UMODL1: variants seen among roughly 807,000 people sequenced by gnomAD.
UMODL1 encodes the protein uromodulin-like 1.
In UMODL1, 128 loss-of-function variants were observed where a neutral mutation model predicts 136.3. That is an observed-to-expected ratio of 0.94 (90% confidence interval 0.81 to 1.09). The LOEUF is 1.09. Ranked by LOEUF, UMODL1 falls within the 50% of genes least tolerant of loss-of-function variation. The pLI, the probability that UMODL1 is intolerant of heterozygous loss-of-function variation, is 0.00. For synonymous variants in UMODL1, 721 were observed against 720.0 expected, an observed-to-expected ratio of 1.00 and a Z score of -0.02; for missense variants, 1,766 against 1,725.6, an observed-to-expected ratio of 1.02 and a Z score of -0.41.
chr21:42,128,534 T>C (rs1250391431), intron 20 of UMODL1, among the ~76,000 whole-genome samples: 1 of 150,440 alleles, frequency 6.6e-6, no homozygotes, highest in Admixed American at 6.6e-5. Flanking sequence ...GCTCTGAGCG[T>C]CTGCAGGACG....
intron 13 of UMODL1, among the ~76,000 whole-genome samples, chr21:42,114,435 CAA>C (rs2066877786): frequency 6.6e-6 from 1 of 152,230 alleles, no homozygotes; most frequent in Admixed American, 6.5e-5. Flanking sequence ...CCTGGGTAGT[CAA>C]GAGCGTGTCT....
intron 20 of UMODL1, chr21:42,128,291 T>G (rs920766495): frequency 6.9e-6 from 2 of 288,486 alleles, no homozygotes; most frequent in African/African-American, 4.5e-5. Flanking sequence ...TTTACATTCC[T>G]GTTTTCCTTA....
At chr21:42,071,437 C>A in intron 1 of UMODL1, 45 bp downstream of exon 1, 1 of 1,504,320 alleles carries the variant, frequency 6.6e-7, no homozygotes, top group African/African-American at 1.4e-5. Flanking sequence ...AGGACAGGGG[C>A]TTCCTGGCAT....
At chr21:42,067,127 C>T (rs538292194), upstream of UMODL1, among the ~76,000 whole-genome samples, 1 of 152,192 alleles carries the variant, frequency 6.6e-6, no homozygotes, top group African/African-American at 2.4e-5. Flanking sequence ...GCATGTGCCA[C>T]CACACCTGGC....
chr21:42,063,142 A>G (rs981179898), exon 1 of UMODL1: 3 of 152,424 alleles, frequency 2.0e-5, no homozygotes, highest in African/African-American at 7.2e-5. Context: ...GATGCCAGTC[A>G]TTGGATTTAG....
intron 1 of UMODL1, among the ~76,000 whole-genome samples, chr21:42,072,240 CG>C (rs2066240631): frequency 6.6e-6 from 1 of 152,164 alleles, no homozygotes; most frequent in Admixed American, 6.5e-5. Flanking sequence ...TAAAAACACA[CG>C]GGAGTTCTGA....
intron 5 of UMODL1, among the ~76,000 whole-genome samples, chr21:42,089,936 C>A (rs559401015): frequency 6.6e-6 from 1 of 152,176 alleles, no homozygotes; most frequent in Non-Finnish European, 1.5e-5. Context: ...TCCTTGTTGG[C>A]GCAGAAAACA....
rs777208172 is a variant in UMODL1 at position 42,121,083 on chromosome 21, G to A, written c.2690-4G>A. The A allele has an allele frequency of 1.9e-6, 3 of 1,611,548 alleles. 1 individual carries two copies. The highest frequency in any genetic ancestry group is 1.3e-5 in the African/African-American group (1 of 74,844). On this transcript the variant is annotated splice_region_variant and splice_polypyrimidine_tract_variant and intron_variant, in intron 15 of 22. Coordinates refer to ENST00000408910, the MANE Select transcript of UMODL1 (RefSeq NM_001004416.3). ...TTCTGTTTTGTCTTCTAAATGTTGT[G>A]CAGATTACGATGAGTGTGAAAGGAA... is the stretch of plus-strand genomic sequence containing the variant.
intron 1 of UMODL1, among the ~76,000 whole-genome samples, chr21:42,063,678 T>G (rs923328025): frequency 1.3e-5 from 2 of 152,196 alleles, no homozygotes; most frequent in East Asian, 1.9e-4. Context: ...CTGGGACTGG[T>G]GCACGCAAGG....
At position 42,099,412 on chromosome 21, in the gene UMODL1, G is replaced by T. The variant is rs111788411; in HGVS notation, c.1186+232G>T. On this transcript the variant is annotated intron_variant, in intron 7 of 22. Transcript: ENST00000408910. This position sits in a 1 kb window ranked among gnomAD's most constrained non-coding sequence, Gnocchi z 4.1. ...TTCCCTACATGTCGTCCTGTTAGGG[G>T]TTCGTTCTGCCGTGTGAGGGGACAA... is the stretch of plus-strand genomic sequence containing the variant. Among the ~76,000 whole-genome samples, 4,502 of 152,246 alleles carry T rather than the reference G, an allele frequency of 0.03. 91 individuals carry two copies. The highest frequency in any genetic ancestry group is 0.048 in the Middle Eastern group (14 of 294).
At chr21:42,094,572 C>T (rs1601204150) in intron 6 of UMODL1, among the ~76,000 whole-genome samples, 1 of 152,074 alleles carries the variant, frequency 6.6e-6, no homozygotes, top group East Asian at 1.9e-4. Flanking sequence ...TTAAGGGGGA[C>T]ACTGAAAAGG....
intron 5 of UMODL1, 38 bp from the exon 6 acceptor site, chr21:42,090,260 C>T (rs761289197): frequency 1.9e-5 from 31 of 1,611,244 alleles, no homozygotes; most frequent in African/African-American, 2.7e-5. Context: ...GAGGTAGCTG[C>T]GACTGCTGAG....
upstream of UMODL1, among the ~76,000 whole-genome samples, chr21:42,068,191 A>G (rs2066198742): frequency 6.6e-6 from 1 of 152,162 alleles, no homozygotes; most frequent in African/African-American, 2.4e-5. The surrounding 1 kb of genome is among the most constrained non-coding windows in gnomAD (Gnocchi z 5.5). Flanking sequence ...TCTGTCCACA[A>G]AAGGGGCCAT....
At chr21:42,083,086 C>T (rs1450693323) in intron 2 of UMODL1, among the ~76,000 whole-genome samples, 4 of 152,224 alleles carry the variant, frequency 2.6e-5, no homozygotes, top group Non-Finnish European at 5.9e-5. Flanking sequence ...TCTAGAGCTG[C>T]ATCGGAGCTG....
chr21:42,067,620 C>G (rs1224234968), upstream of UMODL1, among the ~76,000 whole-genome samples: 1 of 152,242 alleles, frequency 6.6e-6, no homozygotes, highest in African/African-American at 2.4e-5. Flanking sequence ...TGAAAACACA[C>G]CGGCACGTGC....
upstream of UMODL1, among the ~76,000 whole-genome samples, chr21:42,069,268 A>AC (rs71188700): frequency 2.9e-3 from 441 of 151,604 alleles, 1 homozygote; most frequent in Non-Finnish European, 3.7e-3. Flanking sequence ...ACACACACAC[A>AC]AACAGCAGGG....
In UMODL1 at chr21:42,071,376, G is replaced by C; in HGVS notation, c.60G>C (p.Gln20His). 6.3e-7 allele frequency: 1 copy of C among 1,593,800 alleles called. No individual in the cohort carries two copies. Residue 20 changes from glutamine (Q) to histidine (H), a missense_variant, in exon 1 of 23, where the codon CAG (glutamine) becomes CAC (histidine). Coordinates refer to ENST00000408910, the MANE Select transcript of UMODL1 (RefSeq NM_001004416.3). ...TGGTCAGTGCTGTGGGCCCAAGCCA[G>C]GCCAGCGGCTTCACAGGTGAGGGGT... ...LALVSAVGPSQASGFTEKGLS... is the reference protein window; with the variant it reads ...LALVSAVGPSHASGFTEKGLS...
At chr21:42,066,969 T>C (rs140112298), upstream of UMODL1, among the ~76,000 whole-genome samples, 250 of 129,450 alleles carry the variant, frequency 1.9e-3, 1 homozygote, top group African/African-American at 6.3e-3. Flanking sequence ...CACACGTCTT[T>C]TTTCTTTCTT....
chr21:42,112,279 G>A (rs1304650593), intron 12 of UMODL1, among the ~76,000 whole-genome samples: 3 of 151,838 alleles, frequency 2.0e-5, no homozygotes, highest in Non-Finnish European at 2.9e-5. Context: ...ACTCCCAGCT[G>A]TTCTGCACCT....
Sources: allele counts gnomAD v4.1 joint callset (sites outside exome capture counted in the v4.1 genomes callset), GRCh38; gene constraint gnomAD v4.1.1; non-coding constraint Gnocchi (gnomAD v3.1); transcripts MANE v1.5; gene names NCBI Gene and HGNC (gene_info 2026-07-23, HGNC 2026-07-21).